BLTP1: variants seen among roughly 807,000 people sequenced by gnomAD.
BLTP1 encodes the protein fragile site-associated protein.
the BLTP1 span, chr4:122,302,291 A>G: frequency 2.1e-6 from 2 of 969,442 alleles, no homozygotes; most frequent in Non-Finnish European, 2.5e-6. Flanking sequence ...GACATATCCT[A>G]TACAGGCATA....
At chr4:122,192,851 T>C in the BLTP1 span, among the ~76,000 whole-genome samples, 2 of 152,194 alleles carry the variant, frequency 1.3e-5, no homozygotes, top group Non-Finnish European at 2.9e-5. Flanking sequence ...AGAAAAGTAC[T>C]CTACTAGTTT....
At chr4:122,264,469 T>C in the BLTP1 span, 1 of 1,499,908 alleles carries the variant, frequency 6.7e-7, no homozygotes, top group Non-Finnish European at 8.9e-7. Context: ...AATACCTCCT[T>C]AGGCATTGCT....
the BLTP1 span, among the ~76,000 whole-genome samples, chr4:122,156,399 T>TG: frequency 3.3e-5 from 5 of 152,040 alleles, no homozygotes; most frequent in Non-Finnish European, 5.9e-5. Context: ...GAAGTAAGAT[T>TG]GGGTAAGAGA....
chr4:122,297,766 A>C, the BLTP1 span, among the ~76,000 whole-genome samples: 1 of 152,242 alleles, frequency 6.6e-6, no homozygotes, highest in Non-Finnish European at 1.5e-5. Context: ...AGGGATATTG[A>C]TGGAGCTGGA....
At chr4:122,286,366 GC>G in the BLTP1 span, 1 of 823,670 alleles carries the variant, frequency 1.2e-6, no homozygotes, top group Non-Finnish European at 1.5e-6. Context: ...TGATTGACTT[GC>G]GTATTTAAAG....
the BLTP1 span, among the ~76,000 whole-genome samples, chr4:122,291,430 C>T: frequency 6.6e-6 from 1 of 152,200 alleles, no homozygotes; most frequent in Non-Finnish European, 1.5e-5. Flanking sequence ...TCTTCCCTCT[C>T]CCATAATCTT....
the BLTP1 span, chr4:122,229,312 A>G: frequency 8.0e-7 from 1 of 1,244,856 alleles, no homozygotes; most frequent in Non-Finnish European, 1.1e-6. Flanking sequence ...CTTGAAATAA[A>G]ACACACATTT....
the BLTP1 span, chr4:122,299,947 T>G: frequency 6.1e-6 from 6 of 983,634 alleles, no homozygotes; most frequent in East Asian, 6.8e-4. Context: ...AGGCACTAAG[T>G]GTACAAAGAC....
the BLTP1 span, chr4:122,232,243 A>G: frequency 2.0e-6 from 1 of 506,362 alleles, no homozygotes; most frequent in Non-Finnish European, 2.5e-6. Flanking sequence ...ACTTCTGATC[A>G]GAGACTATAT....
chr4:122,318,324 T>A, the BLTP1 span: 1 of 1,417,598 alleles, frequency 7.1e-7, no homozygotes, highest in Admixed American at 1.8e-5. Flanking sequence ...GACTTTTTCC[T>A]ATCATATCTA....
At chr4:122,253,519 T>A in the BLTP1 span, among the ~76,000 whole-genome samples, 1 of 151,928 alleles carries the variant, frequency 6.6e-6, no homozygotes, top group East Asian at 1.9e-4. Flanking sequence ...GAAGAATGCA[T>A]CAGAGTCTCT....
the BLTP1 span, among the ~76,000 whole-genome samples, chr4:122,342,949 GCTCT>G: frequency 6.6e-6 from 1 of 152,080 alleles, no homozygotes; most frequent in Non-Finnish European, 1.5e-5. Context: ...AGGACACTTG[GCTCT>G]CTAACAGATT....
chr4:122,205,699 A>G, the BLTP1 span, among the ~76,000 whole-genome samples: 34 of 131,498 alleles, frequency 2.6e-4, no homozygotes, highest in South Asian at 5.4e-3. Flanking sequence ...ACTGTTTCCA[A>G]TTGTTTCCCT....
the BLTP1 span, chr4:122,325,208 A>G: frequency 1.3e-6 from 2 of 1,577,306 alleles, no homozygotes; most frequent in South Asian, 2.3e-5. Flanking sequence ...TTGGTGTTTT[A>G]TAACTTTATA....
the BLTP1 span, among the ~76,000 whole-genome samples, chr4:122,195,866 T>C: frequency 6.6e-6 from 1 of 152,230 alleles, no homozygotes; most frequent in Non-Finnish European, 1.5e-5. Context: ...TAATTTATTC[T>C]AGGTAGCATT....
the BLTP1 span, chr4:122,347,207 A>T: frequency 1.0e-6 from 1 of 984,700 alleles, no homozygotes; most frequent in Non-Finnish European, 1.2e-6. Context: ...TGTTGTAGGT[A>T]ATGAAATCAA....
At chr4:122,209,356 T>C in the BLTP1 span, 7 of 1,607,824 alleles carry the variant, frequency 4.4e-6, no homozygotes, top group Non-Finnish European at 5.9e-6. Flanking sequence ...GTAAAATTAG[T>C]GACACAGGCC....
At chr4:122,170,305 CAAAAAAAAAAAAA>C in the BLTP1 span, 1 of 732,706 alleles carries the variant, frequency 1.4e-6, no homozygotes, top group Non-Finnish European at 1.6e-6. Context: ...AACTCCTTCT[CAAAAAAAAAAAAA>C]AAAAAAAAAA....
chr4:122,171,905 G>A, the BLTP1 span: 3 of 985,120 alleles, frequency 3.0e-6, no homozygotes, highest in Non-Finnish European at 2.4e-6. Context: ...TACGATTCCT[G>A]GCTTGTTTAA....
Sources: gnomAD v4.1 joint callset for allele counts (sites outside exome capture counted in the v4.1 genomes callset) on GRCh38, gnomAD v4.1.1 for gene constraint, MANE v1.5 for transcripts, NCBI Gene and HGNC (gene_info 2026-07-23, HGNC 2026-07-21) for gene names.